The following RAD51B variants were observed in gnomAD, a reference collection of about 807,000 sequenced individuals.
RAD51B encodes the protein RAD51 paralog B.
RAD51B carries 38 observed loss-of-function variants against 42.2 expected under a neutral mutation model. The observed-to-expected ratio is 0.90, with a 90% CI of 0.70 to 1.18. The LOEUF is 1.18. Ranked by LOEUF, RAD51B falls within the 50% of genes most tolerant of loss-of-function variation. RAD51B has a pLI of 0.00. For missense variants in RAD51B, 373 were observed against 400.7 expected (o/e 0.93, Z 0.59); for synonymous variants, 154 against 145.2 (o/e 1.06, Z -0.43).
At chr14:67,951,392 C>T (rs2074443218) in intron 7 of RAD51B, among the ~76,000 whole-genome samples, 1 of 152,096 alleles carries the variant, frequency 6.6e-6, no homozygotes, top group African/African-American at 2.4e-5. Context: ...TTTTTATGAG[C>T]TTTTTCAGAG....
chr14:68,100,802 A>C (rs1398671317), intron 7 of RAD51B, among the ~76,000 whole-genome samples: 1 of 152,204 alleles, frequency 6.6e-6, no homozygotes, highest in Non-Finnish European at 1.5e-5. Flanking sequence ...AAAAGTGTTA[A>C]ATTGCTGCTG....
At chr14:68,145,816 A>G (rs927630683) in intron 7 of RAD51B, among the ~76,000 whole-genome samples, 1 of 152,262 alleles carries the variant, frequency 6.6e-6, no homozygotes, top group African/African-American at 2.4e-5. Flanking sequence ...CCCAAAGAAG[A>G]CATTTGGAGA....
At chr14:67,950,651 A>G (rs1213548382) in intron 7 of RAD51B, among the ~76,000 whole-genome samples, 2 of 152,174 alleles carry the variant, frequency 1.3e-5, no homozygotes, top group African/African-American at 4.8e-5. Context: ...CAGCTTGGCT[A>G]TTTGGTGCAA....
At chr14:68,637,267 TG>T (rs1892360052) in intron 10 of RAD51B, among the ~76,000 whole-genome samples, 2 of 152,148 alleles carry the variant, frequency 1.3e-5, no homozygotes, top group African/African-American at 4.8e-5. Context: ...TGTGTAGAGA[TG>T]GGCTCTTGCT....
chr14:68,118,522 CTA>C (rs2077588142), intron 7 of RAD51B, among the ~76,000 whole-genome samples: 1 of 152,154 alleles, frequency 6.6e-6, no homozygotes, highest in African/African-American at 2.4e-5. Context: ...GTCTTGTCAA[CTA>C]TGTCTTTTAT....
intron 10 of RAD51B, among the ~76,000 whole-genome samples, chr14:68,570,897 A>ACACT (rs58855698): frequency 1.0e-5 from 1 of 96,780 alleles, no homozygotes; most frequent in Non-Finnish European, 2.6e-5. Context: ...ACACACACAC[A>ACACT]TGCACACACA....
chr14:68,372,133 T>C (rs2083277675), intron 8 of RAD51B, among the ~76,000 whole-genome samples: 1 of 152,196 alleles, frequency 6.6e-6, no homozygotes, highest in South Asian at 2.1e-4. Context: ...GGTCCAGTGC[T>C]GCTAAGAGGT....
chr14:68,673,170 A>G (rs1595057637), intron 11 of RAD51B, among the ~76,000 whole-genome samples: 3 of 152,372 alleles, frequency 2.0e-5, no homozygotes, highest in Admixed American at 2.0e-4. Context: ...CACGCTGAGA[A>G]AAGCAGATAG....
intron 10 of RAD51B, among the ~76,000 whole-genome samples, chr14:68,591,862 G>T (rs1595006820): frequency 6.6e-6 from 1 of 152,228 alleles, no homozygotes; most frequent in African/African-American, 2.4e-5. Context: ...ACCTGGATGG[G>T]CCTCACAGTC....
intron 10 of RAD51B, among the ~76,000 whole-genome samples, chr14:68,573,312 C>G (rs1889803499): frequency 6.6e-6 from 1 of 152,144 alleles, no homozygotes; most frequent in African/African-American, 2.4e-5. Flanking sequence ...CACTCTCCTC[C>G]ACTCGGCTGC....
intron 10 of RAD51B, among the ~76,000 whole-genome samples, chr14:68,649,462 G>A (rs1003811590): frequency 3.3e-4 from 50 of 152,252 alleles, no homozygotes; most frequent in Middle Eastern, 6.8e-3. Flanking sequence ...CAAGATCAGC[G>A]CACAGATGGA....
At chr14:68,180,147 T>C (rs540989001) in intron 7 of RAD51B, among the ~76,000 whole-genome samples, 1 of 152,246 alleles carries the variant, frequency 6.6e-6, no homozygotes, top group East Asian at 1.9e-4. Flanking sequence ...ATGGTTAAAG[T>C]TTTGCCACCT....
At chr14:68,571,873 C>G (rs189451053) in intron 10 of RAD51B, among the ~76,000 whole-genome samples, 7 of 151,864 alleles carry the variant, frequency 4.6e-5, no homozygotes, top group Admixed American at 2.0e-4. Context: ...CAGATAATCA[C>G]GTTTGTTAAA....
intron 8 of RAD51B, among the ~76,000 whole-genome samples, chr14:68,356,308 G>A (rs1169116305): frequency 2.6e-5 from 4 of 151,902 alleles, no homozygotes; most frequent in East Asian, 1.9e-4. Flanking sequence ...AGTGGCGGGC[G>A]CCTGTGGTCC....
At chr14:68,134,347 C>T (rs905239950) in intron 7 of RAD51B, among the ~76,000 whole-genome samples, 1 of 152,044 alleles carries the variant, frequency 6.6e-6, no homozygotes, top group Non-Finnish European at 1.5e-5. Context: ...ACTATTCACC[C>T]TTTTAAGGAT....
At chr14:68,631,792 G>T (rs972969997) in intron 10 of RAD51B, among the ~76,000 whole-genome samples, 1 of 152,104 alleles carries the variant, frequency 6.6e-6, no homozygotes, top group African/African-American at 2.4e-5. Context: ...TGAAGACGCC[G>T]CTCAGGCTCC....
At chr14:67,926,441 C>T (rs1270906387) in intron 7 of RAD51B, among the ~76,000 whole-genome samples, 4 of 152,144 alleles carry the variant, frequency 2.6e-5, no homozygotes, top group African/African-American at 9.7e-5. Flanking sequence ...CTGAGACCAC[C>T]TCAGCCTGGA....
At chr14:68,143,550 C>G (rs2078182049) in intron 7 of RAD51B, among the ~76,000 whole-genome samples, 1 of 152,242 alleles carries the variant, frequency 6.6e-6, no homozygotes, top group South Asian at 2.1e-4. Flanking sequence ...ACCCTTCAGG[C>G]TGTCAAGGCC....
chr14:68,622,723 C>CA (rs34816047), intron 10 of RAD51B, among the ~76,000 whole-genome samples: 16,350 of 115,432 alleles, frequency 0.14, 1,334 homozygotes, highest in East Asian at 0.25. Flanking sequence ...TATCCATTTA[C>CA]AAAAAAAAAA....
Sources: allele counts gnomAD v4.1 joint callset (sites outside exome capture counted in the v4.1 genomes callset), GRCh38; gene constraint gnomAD v4.1.1; transcripts MANE v1.5; gene names NCBI Gene and HGNC (gene_info 2026-07-23, HGNC 2026-07-21).